The following ABCA3 variants were observed in gnomAD, a reference collection of about 807,000 sequenced individuals.
ABCA3 encodes the protein phospholipid-transporting ATPase ABCA3.
ABCA3 carries 88 observed loss-of-function variants against 172.8 expected under a neutral mutation model. That is an observed-to-expected ratio of 0.51 (90% confidence interval 0.43 to 0.61). The LOEUF is 0.61. ABCA3 is among the 20% of genes least tolerant of loss of function. The pLI is 0.00. For synonymous variants in ABCA3, 1,066 were observed against 983.8 expected (o/e 1.08, Z -1.56); for missense variants, 2,164 against 2,301.0 (o/e 0.94, Z 1.22).
intron 11 of ABCA3, 69 bp downstream of exon 11, chr16:2,308,380 GC>G: frequency 6.3e-7 from 1 of 1,591,692 alleles, no homozygotes; most frequent in Non-Finnish European, 8.6e-7. Flanking sequence ...GCTGCTGGCG[GC>G]TCTTGTGGTT....
Position 2,319,842 on chromosome 16 carries a change from T to C in ABCA3, c.614-2A>G, listed in dbSNP as rs773223403. The stretch of plus-strand genomic sequence containing the variant: ...CCAGGAAGCCTTCCCGGATGTACCC[T>C]GGGTGCGGGAGCAGAGGATGGCCCA... On this transcript the variant is annotated splice_acceptor_variant, in intron 7 of 32. Transcript: ENST00000301732. LOFTEE classifies it high-confidence loss of function. 1 of 1,613,530 alleles carries C rather than the reference T, an allele frequency of 6.2e-7. No individual in the cohort carries two copies.
rs987511345 is a variant in ABCA3 at position 2,283,511 on chromosome 16, C to A, written c.3863-153G>T. On this transcript the variant is annotated intron_variant, in intron 25 of 32. Coordinates refer to ENST00000301732, the MANE Select transcript of ABCA3 (RefSeq NM_001089.3). The surrounding 1 kb of genome is among the most constrained non-coding windows in gnomAD (Gnocchi z 5.4). The stretch of plus-strand genomic sequence containing the variant: ...TGTGAAGGCCAGTAGGTCACAGCTG[C>A]CTCTCGAGGCACCACAGCTCAGAGA... The A allele has an allele frequency of 1.1e-5, 9 of 821,580 alleles. No individual in the cohort carries two copies. The highest frequency in any genetic ancestry group is 1.7e-5 in the African/African-American group (1 of 57,930). 50.9% of individuals were successfully genotyped at this position (821,580 alleles called of 1,614,324 possible).
At chr16:2,289,961 T>TCTCACA (rs1555487807) in intron 19 of ABCA3, among the ~76,000 whole-genome samples, 5 of 138,210 alleles carry the variant, frequency 3.6e-5, no homozygotes, top group Non-Finnish European at 6.2e-5. Flanking sequence ...GTGAATTACA[T>TCTCACA]CACACACACA....
chr16:2,319,587 C>T lies in ABCA3; in HGVS notation c.867G>A (p.Arg289=). 6.2e-7 allele frequency: 1 copy of T among 1,611,844 alleles called. No individual in the cohort carries two copies. The change falls in exon 8 of 33, where the codon AGG becomes AGA. Residue 289 remains arginine (R), a synonymous_variant. Transcript: ENST00000301732. ...ARAVVQEKER[R]LKEYMRMMGL... ...AGCCAAAGCGGGCAGTCACCTTCAG[C>T]CTCCTTTCCTTCTCCTGCACGACAG...
intron 1 of ABCA3, among the ~76,000 whole-genome samples, chr16:2,330,185 C>G (rs1478065161): frequency 6.7e-6 from 1 of 149,020 alleles, no homozygotes; most frequent in South Asian, 2.1e-4. Context: ...CCCAGCTACT[C>G]GGGAGGCTGA....
rs753648112 is a variant in ABCA3, at chr16:2,277,918, G to A, written c.4870C>T (p.Leu1624=). ...KVQSEGQQEA[L]EEFKAFVDLT... ...TCCACGAAGGCCTTGAACTCCTCCA[G>A]CGCCTCCTGTTGCCCTTCACTCTGC... Residue 1624 remains leucine, a synonymous_variant, in exon 31 of 33, where the codon CTG becomes TTG. Transcript: ENST00000301732. This position sits in a 1 kb window ranked among gnomAD's most constrained non-coding sequence, Gnocchi z 5.3. The A allele has an allele frequency of 1.1e-5, 18 of 1,610,808 alleles. No individual in the cohort carries two copies. Among genetic ancestry groups the A allele is most frequent in the Non-Finnish European group, 1.1e-5 (13 of 1,179,998 alleles).
Position 2,288,172 on chromosome 16 carries a change from T to C in ABCA3, c.2858A>G (p.Asp953Gly), listed in dbSNP as rs756673517. Residue 953 changes from aspartate to glycine, a missense_variant, in exon 21 of 33, where the codon GAC becomes GGC. Asp to Gly is a moderately conservative substitution (Grantham distance 94). Coordinates refer to ENST00000301732, the MANE Select transcript of ABCA3 (RefSeq NM_001089.3). ...GCCCAAGGTCAGCCTCAGCATGGGG[T>C]CGTCGAAGAGCTCCGAGGAGTAGTT... ...AINYSSELFD[D>G]PMLRLTLGEY... is the part of the protein sequence containing the mutation. 3.1e-6 allele frequency: 5 copies of C among 1,608,160 alleles called. No homozygotes were observed. The African/African-American group carries it at 6.7e-5, about 22-fold the overall frequency.
chr16:2,329,447 G>A (rs941465545), intron 2 of ABCA3, among the ~76,000 whole-genome samples: 3 of 152,208 alleles, frequency 2.0e-5, no homozygotes, highest in Non-Finnish European at 2.9e-5. Context: ...TCTACCAAGT[G>A]AGGAATATAA....
chr16:2,288,690 G>A lies in ABCA3; in HGVS notation c.2701-361C>T, dbSNP rs1321644644. On this transcript the variant is annotated intron_variant, in intron 20 of 32. Transcript: ENST00000301732. The stretch of plus-strand genomic sequence containing the variant: ...CTCCCAAGTAGCTGGGATTACAGGC[G>A]CACACCACCACACCCAACTAATTTT... 3.3e-5 allele frequency among the ~76,000 whole-genome samples: 5 copies of A among 152,148 alleles called. No individual in the cohort carries two copies. The East Asian group carries it at 9.7e-4, about 29-fold the overall frequency.
chr16:2,310,688 T>G (rs1359090376), intron 10 of ABCA3, among the ~76,000 whole-genome samples: 1 of 151,764 alleles, frequency 6.6e-6, no homozygotes, highest in Non-Finnish European at 1.5e-5. Flanking sequence ...GGCTAATGTT[T>G]TTTTTATTTT....
At chr16:2,313,556 A>AG (rs1212223749) in intron 10 of ABCA3, among the ~76,000 whole-genome samples, 1 of 149,386 alleles carries the variant, frequency 6.7e-6, no homozygotes, top group Non-Finnish European at 1.5e-5. Flanking sequence ...CTGTCACAAA[A>AG]AAAAAAAAAA....
chr16:2,307,144 G>A (rs1453374487), intron 11 of ABCA3, among the ~76,000 whole-genome samples: 1 of 151,858 alleles, frequency 6.6e-6, no homozygotes, highest in Non-Finnish European at 1.5e-5. Flanking sequence ...GAAAAAAAAT[G>A]CTGTCGTTTA....
Position 2,281,873 on chromosome 16 carries a change from C to T in ABCA3, c.4036-364G>A, listed in dbSNP as rs1256689462. ...AGGCTGGAGTGCAGTGGCGCAATCT[C>T]AGCTCACTGCAAACTCTGCCTCCCA... On this transcript the variant is annotated intron_variant, in intron 26 of 32. Transcript: ENST00000301732. The surrounding 1 kb of genome is among the most constrained non-coding windows in gnomAD (Gnocchi z 4.7). 6.6e-6 allele frequency among the ~76,000 whole-genome samples: 1 copy of T among 151,188 alleles called. No homozygotes were observed. Among genetic ancestry groups the T allele is most frequent in the African/African-American group, 2.4e-5 (1 of 41,030 alleles).
At chr16:2,321,325 T>C (rs1052832453) in intron 7 of ABCA3, among the ~76,000 whole-genome samples, 1 of 152,176 alleles carries the variant, frequency 6.6e-6, no homozygotes, top group African/African-American at 2.4e-5. Context: ...TCATCTTAGT[T>C]CTAGATGTAA....
chr16:2,277,874 C>A lies in ABCA3; in HGVS notation c.4909+5G>T. ...CCAGTGGGGGCTGCCGGGGCCGGCA[C>A]ACACCTGGAAAGGTCAGGTCCACGA... On this transcript the variant is annotated splice_donor_5th_base_variant and intron_variant, in intron 31 of 32. Coordinates refer to ENST00000301732, the MANE Select transcript of ABCA3 (RefSeq NM_001089.3). This position sits in a 1 kb window ranked among gnomAD's most constrained non-coding sequence, Gnocchi z 5.3. The A allele has an allele frequency of 6.2e-7, 1 of 1,608,570 alleles. No homozygotes were observed. The highest frequency in any genetic ancestry group is 8.5e-7 in the Non-Finnish European group (1 of 1,179,866).
chr16:2,308,092 A>G (rs2093700628), intron 11 of ABCA3, among the ~76,000 whole-genome samples: 2 of 152,210 alleles, frequency 1.3e-5, no homozygotes, highest in African/African-American at 4.8e-5. Flanking sequence ...AAAAAAATGA[A>G]AACTGAAAGA....
In ABCA3 at chr16:2,284,154, C is replaced by T; in HGVS notation, c.3862+125G>A. The T allele has an allele frequency of 7.9e-7, 1 of 1,263,486 alleles. No homozygotes were observed. Among genetic ancestry groups the T allele is most frequent in the Non-Finnish European group, 1.1e-6 (1 of 928,084 alleles). 78.3% of individuals were successfully genotyped at this position (1,263,486 alleles called of 1,614,324 possible). On this transcript the variant is annotated intron_variant, in intron 25 of 32. Transcript: ENST00000301732. This position sits in a 1 kb window ranked among gnomAD's most constrained non-coding sequence, Gnocchi z 5.9. ...CTGTGGGAGGTGGGGCAAGGCGGTA[C>T]AGAGGAACGCACCAGCCCCAGGCCA... is the stretch of plus-strand genomic sequence containing the variant.
rs2141757210 is a variant in ABCA3, at chr16:2,340,586, CG to C, written c.-553del. ...GGCGGCACTCACCGAGCCTGGGCGCCGGGGCGGCGGCGGCCGGCGCGCGGCC... is the reference window on the plus strand; with the variant it reads ...GGCGGCACTCACCGAGCCTGGGCGCCGGGCGGCGGCGGCCGGCGCGCGGCC... On this transcript the variant is annotated 5_prime_UTR_variant, in exon 1 of 33. Transcript: ENST00000301732. The C allele has an allele frequency of 6.7e-6, 1 of 148,808 alleles. No individual in the cohort carries two copies. The highest frequency in any genetic ancestry group is 2.4e-5 in the African/African-American group (1 of 41,182). The allele number at this position is 148,808 out of a possible 1,614,324, so 9.2% of individuals were successfully genotyped here.
Position 2,278,516 on chromosome 16 carries a change from A to G in ABCA3, c.4548-58T>C, listed in dbSNP as rs2141688223. On this transcript the variant is annotated intron_variant, in intron 29 of 32. Coordinates refer to ENST00000301732, the MANE Select transcript of ABCA3 (RefSeq NM_001089.3). The surrounding 1 kb of genome is among the most constrained non-coding windows in gnomAD (Gnocchi z 4.4). ...AGGCTGAGAGTTAGCATTGGCTCCCATGTCCCAGTGGAGGCCCGTGTCCCA... is the reference window on the plus strand; with the variant it reads ...AGGCTGAGAGTTAGCATTGGCTCCCGTGTCCCAGTGGAGGCCCGTGTCCCA... 2 of 1,594,436 alleles carry G rather than the reference A, an allele frequency of 1.3e-6. No individual in the cohort carries two copies. The highest frequency in any genetic ancestry group is 2.2e-5 in the East Asian group (1 of 44,794).
Sources: allele counts gnomAD v4.1 joint callset (sites outside exome capture counted in the v4.1 genomes callset), GRCh38; gene constraint gnomAD v4.1.1; non-coding constraint Gnocchi (gnomAD v3.1); transcripts MANE v1.5; gene names NCBI Gene and HGNC (gene_info 2026-07-23, HGNC 2026-07-21).